Variants in DMD observed in about 807,000 individuals in gnomAD.
DMD encodes mutant dystrophin.
A neutral mutation model predicts 330.1 loss-of-function variants in DMD; 63 were observed. The observed-to-expected ratio is 0.19, with a 90% confidence interval of 0.16 to 0.24. The LOEUF (loss-of-function observed/expected upper bound fraction) is 0.24, where lower values mean the gene tolerates loss of function less well. Ranked by LOEUF, DMD falls within the 10% of genes least tolerant of loss-of-function variation. The probability of loss-of-function intolerance (pLI) is 1.00; values close to 1 mark genes in which losing one functional copy is unlikely to be tolerated. For synonymous variants in DMD, 1,223 were observed against 959.8 expected (o/e 1.27, Z -5.07); for missense variants, 3,344 against 2,684.1 (o/e 1.25, Z -5.43).
intron 55 of DMD, among the ~76,000 whole-genome samples, chrX:31,615,155 G>T (rs2078129870): frequency 9.0e-6 from 1 of 111,459 alleles, no homozygotes; most frequent in South Asian, 3.8e-4. Flanking sequence ...GGGAGGAGGA[G>T]AAAGTGACAC....
Position 32,561,913 on chromosome X carries a change from A to G in DMD, c.1992+3789T>C, listed in dbSNP as rs780199486. On this transcript the variant is annotated intron_variant, in intron 16 of 78. Coordinates refer to ENST00000357033, the MANE Select transcript of DMD (RefSeq NM_004006.3). ...AACACCGTGAAAGAAAAGAATTTCCAAGGCAGAATTTCATATCCAGACAAA... is the reference window on the plus strand; with the variant it reads ...AACACCGTGAAAGAAAAGAATTTCCGAGGCAGAATTTCATATCCAGACAAA... Among the ~76,000 whole-genome samples the G allele has an allele frequency of 1.2e-4, 14 of 112,037 alleles. No homozygotes were observed. The South Asian group carries it at 5.3e-3, about 42-fold the overall frequency.
chrX:31,830,596 AAAAC>A (rs985943648), intron 49 of DMD, among the ~76,000 whole-genome samples: 10 of 112,339 alleles, frequency 8.9e-5, no homozygotes, highest in African/African-American at 1.3e-4. Context: ...CTCCGTCTCA[AAAAC>A]AAACAAACAA....
intron 74 of DMD, among the ~76,000 whole-genome samples, chrX:31,161,738 T>C (rs763791961): frequency 1.8e-5 from 2 of 111,675 alleles, no homozygotes; most frequent in East Asian, 5.6e-4. Context: ...TCTACCAATC[T>C]TCATGGCTTT....
chrX:31,951,177 A>ATATATATATGTATATATATATATATATG (rs2095173386), intron 45 of DMD, among the ~76,000 whole-genome samples: 1 of 90,429 alleles, frequency 1.1e-5, no homozygotes, highest in Non-Finnish European at 2.2e-5. Context: ...ATATATATGT[A>ATATATATATGTATATATATATATATATG]TATATATATA....
At chrX:32,712,290 A>G (rs941766566) in intron 7 of DMD, among the ~76,000 whole-genome samples, 2 of 111,481 alleles carry the variant, frequency 1.8e-5, no homozygotes, top group African/African-American at 3.3e-5. Context: ...TGGTAGAGAT[A>G]TATCTGCCTA....
intron 57 of DMD, among the ~76,000 whole-genome samples, chrX:31,492,034 G>A (rs1016656782): frequency 1.8e-5 from 2 of 112,046 alleles, no homozygotes; most frequent in Non-Finnish European, 3.8e-5. Flanking sequence ...AGAATAGAGA[G>A]TAAGCAGATG....
intron 2 of DMD, among the ~76,000 whole-genome samples, chrX:32,897,250 A>C (rs1233813485): frequency 9.0e-6 from 1 of 111,489 alleles, no homozygotes; most frequent in Non-Finnish European, 1.9e-5. Context: ...CCAAAATTTT[A>C]ATGTTTTTAG....
intron 9 of DMD, among the ~76,000 whole-genome samples, chrX:32,682,672 AC>A (rs947061498): frequency 1.8e-5 from 2 of 112,126 alleles, no homozygotes; most frequent in African/African-American, 3.2e-5. Context: ...GATGTTTCTG[AC>A]AACATAAATT....
chrX:32,176,614 A>G (rs1263709343), intron 44 of DMD, among the ~76,000 whole-genome samples: 3 of 111,695 alleles, frequency 2.7e-5, no homozygotes, highest in African/African-American at 9.8e-5. Flanking sequence ...GAAGTATTGT[A>G]GGTGACATTT....
chrX:31,129,504 T>C (rs1484957795), intron 77 of DMD, among the ~76,000 whole-genome samples: 1 of 111,832 alleles, frequency 8.9e-6, no homozygotes, highest in Non-Finnish European at 1.9e-5. Context: ...TGGCAAATTT[T>C]CCCCATAAAG....
At chrX:32,058,165 G>T (rs1294431892) in intron 44 of DMD, among the ~76,000 whole-genome samples, 1 of 110,839 alleles carries the variant, frequency 9.0e-6, no homozygotes, top group Non-Finnish European at 1.9e-5. Context: ...TCCTGACATT[G>T]GTCTTCACAA....
At chrX:33,068,998 A>T (rs1437949215) in intron 1 of DMD, among the ~76,000 whole-genome samples, 1 of 112,018 alleles carries the variant, frequency 8.9e-6, no homozygotes, top group Non-Finnish European at 1.9e-5. Context: ...AAAGTTCTAT[A>T]CCTATTACTT....
intron 15 of DMD, among the ~76,000 whole-genome samples, chrX:32,572,211 C>A (rs139482628): frequency 1.8e-5 from 2 of 110,316 alleles, no homozygotes; most frequent in Non-Finnish European, 3.8e-5. Flanking sequence ...ATTAAAAGAC[C>A]AATGAGGGTT....
intron 12 of DMD, among the ~76,000 whole-genome samples, chrX:32,609,127 T>C (rs1206677153): frequency 9.0e-6 from 1 of 110,633 alleles, no homozygotes; most frequent in Non-Finnish European, 1.9e-5. Flanking sequence ...CTAAATCTAG[T>C]CCTATTGGTT....
In DMD at chrX:32,247,560, T is replaced by A. The variant is rs754396360; in HGVS notation, c.6291-30497A>T. Among the ~76,000 whole-genome samples the A allele has an allele frequency of 1.6e-4, 18 of 111,920 alleles. No homozygotes were observed. In the East Asian group the frequency reaches 5.1e-3, roughly 32 times the overall value. On this transcript the variant is annotated intron_variant, in intron 43 of 78. Transcript: ENST00000357033. Reference sequence around the variant, plus strand: ...TGACATATAAATAGTGTTTCTTTCCTAAACTTTCCATTATCTGGTTAATTT... The same window carrying A: ...TGACATATAAATAGTGTTTCTTTCCAAAACTTTCCATTATCTGGTTAATTT...
At chrX:31,960,828 C>T (rs2095296035) in intron 45 of DMD, among the ~76,000 whole-genome samples, 1 of 111,771 alleles carries the variant, frequency 8.9e-6, no homozygotes, top group African/African-American at 3.3e-5. Flanking sequence ...TTATGAATGC[C>T]CTTGAAAGCT....
At chrX:32,728,441 A>G (rs1435089210) in intron 7 of DMD, among the ~76,000 whole-genome samples, 1 of 112,132 alleles carries the variant, frequency 8.9e-6, no homozygotes, top group African/African-American at 3.2e-5. Flanking sequence ...TAGTTTATCA[A>G]GAGCAGGTTT....
chrX:33,110,030 C>G (rs2095327700), intron 1 of DMD, among the ~76,000 whole-genome samples: 1 of 111,371 alleles, frequency 9.0e-6, no homozygotes, highest in African/African-American at 3.3e-5. Context: ...TTCCCTGACC[C>G]TGCAAGCTCT....
At chrX:31,812,139 G>C (rs1434313332) in intron 50 of DMD, among the ~76,000 whole-genome samples, 1 of 109,415 alleles carries the variant, frequency 9.1e-6, no homozygotes, top group African/African-American at 3.3e-5. Flanking sequence ...GATATTTAAA[G>C]TATTATTGAA....
Sources: allele counts gnomAD v4.1 joint callset (sites outside exome capture counted in the v4.1 genomes callset), GRCh38; gene constraint gnomAD v4.1.1; transcripts MANE v1.5; gene names NCBI Gene and HGNC (gene_info 2026-07-23, HGNC 2026-07-21).